ERBIN: variants seen among roughly 807,000 people sequenced by gnomAD.
The protein encoded by ERBIN is erbb2 interacting protein.
Under a neutral mutation model 158.4 loss-of-function variants are expected in ERBIN, and 60 were observed. The observed-to-expected ratio is 0.38, with a 90% confidence interval of 0.31 to 0.47. ERBIN has a LOEUF of 0.47. Among genes scored for constraint, ERBIN ranks in the 20% least tolerant of loss-of-function variants. The pLI is 0.99. For synonymous variants in ERBIN, 594 were observed against 557.2 expected (o/e 1.07, Z -0.93); for missense variants, 1,610 against 1,648.0 (o/e 0.98, Z 0.40).
intron 4 of ERBIN, among the ~76,000 whole-genome samples, chr5:66,009,165 G>A (rs567295483): frequency 1.3e-5 from 2 of 152,320 alleles, no homozygotes; most frequent in African/African-American, 4.8e-5. Flanking sequence ...CCTAGGCTCT[G>A]CAGCAGCAGA....
chr5:66,057,834 GA>G (rs1376273213), intron 21 of ERBIN, among the ~76,000 whole-genome samples: 2 of 151,288 alleles, frequency 1.3e-5, no homozygotes, highest in African/African-American at 4.9e-5. Context: ...AGTTTGCTGA[GA>G]ATGATGGTTT....
intron 21 of ERBIN, among the ~76,000 whole-genome samples, chr5:66,071,722 ATTT>A (rs372294339): frequency 1.5e-5 from 2 of 133,356 alleles, no homozygotes; most frequent in Admixed American, 7.6e-5. Context: ...ACAGCAGTTA[ATTT>A]TTTTTTTTTT....
intron 14 of ERBIN, among the ~76,000 whole-genome samples, chr5:66,035,264 A>G (rs1757283118): frequency 6.6e-6 from 1 of 152,184 alleles, no homozygotes; most frequent in Admixed American, 6.5e-5. Flanking sequence ...CATATAGCTC[A>G]ATTCCTACTT....
intron 4 of ERBIN, among the ~76,000 whole-genome samples, chr5:66,000,712 T>G (rs1296672893): frequency 1.3e-5 from 2 of 152,274 alleles, no homozygotes; most frequent in South Asian, 2.1e-4. Flanking sequence ...ACTTGCAGAA[T>G]TGGTTTTTTT....
At chr5:66,073,195 G>T (rs1761684816) in intron 22 of ERBIN, among the ~76,000 whole-genome samples, 1 of 152,176 alleles carries the variant, frequency 6.6e-6, no homozygotes, top group Admixed American at 6.5e-5. Flanking sequence ...GTGTCAGGGA[G>T]TCTTAAGGTC....
At chr5:66,009,917 A>ATC (rs1357145059) in intron 4 of ERBIN, among the ~76,000 whole-genome samples, 24 of 152,346 alleles carry the variant, frequency 1.6e-4, no homozygotes, top group Non-Finnish European at 3.1e-4. Flanking sequence ...AGAAAACTGA[A>ATC]AAGACCAGGG....
intron 10 of ERBIN, 74 bp downstream of exon 10, chr5:66,024,524 CTTG>C: frequency 7.0e-7 from 1 of 1,421,130 alleles, no homozygotes; most frequent in Non-Finnish European, 9.6e-7. Context: ...TCAAATTTCA[CTTG>C]TTATGAGGTA....
chr5:65,981,947 T>C (rs1384653971), intron 1 of ERBIN, among the ~76,000 whole-genome samples: 1 of 152,212 alleles, frequency 6.6e-6, no homozygotes, highest in Admixed American at 6.5e-5. Flanking sequence ...GGGAAATAGA[T>C]TCTATGGCAT....
intron 1 of ERBIN, among the ~76,000 whole-genome samples, chr5:65,973,986 G>C (rs1420526491): frequency 6.6e-6 from 1 of 151,270 alleles, no homozygotes; most frequent in Non-Finnish European, 1.5e-5. Context: ...TGTAATTCCA[G>C]CACTTTGGGA....
intron 9 of ERBIN, 74 bp from the exon 10 acceptor site, chr5:66,024,232 C>G (rs1408047708): frequency 7.9e-6 from 8 of 1,014,612 alleles, no homozygotes; most frequent in Non-Finnish European, 1.1e-5. Context: ...AACTTGGTAT[C>G]AAGTTTATTC....
At chr5:65,990,665 A>T (rs933998030) in intron 2 of ERBIN, among the ~76,000 whole-genome samples, 1 of 150,162 alleles carries the variant, frequency 6.7e-6, no homozygotes, top group Non-Finnish European at 1.5e-5. Context: ...CTCAAAAAAA[A>T]ATTGTAGTGA....
In ERBIN at chr5:66,058,691, G is replaced by A. The variant is rs152938; in HGVS notation, c.3633+3740G>A. Among the ~76,000 whole-genome samples, 14 of 145,150 alleles carry A rather than the reference G, an allele frequency of 9.6e-5. No homozygotes were observed. The East Asian group carries it at 2.7e-3, about 28-fold the overall frequency. On this transcript the variant is annotated intron_variant, in intron 21 of 25. Coordinates refer to ENST00000284037, the MANE Select transcript of ERBIN (RefSeq NM_001253697.2). ...TAGGTCTAACGTTTAAGTCTTTAAT[G>A]CATCTTGAATTAATTTTAGTATAAG...
intron 21 of ERBIN, among the ~76,000 whole-genome samples, chr5:66,067,820 A>G (rs1490998200): frequency 1.3e-5 from 2 of 152,120 alleles, no homozygotes; most frequent in Admixed American, 6.5e-5. Context: ...CATGAAAAAT[A>G]AAAAAACTAG....
intron 1 of ERBIN, among the ~76,000 whole-genome samples, chr5:65,958,207 C>G (rs943169612): frequency 3.9e-5 from 6 of 152,088 alleles, no homozygotes; most frequent in South Asian, 2.1e-4. Flanking sequence ...TCCTCACTTC[C>G]CAGATGGGGT....
intron 2 of ERBIN, among the ~76,000 whole-genome samples, chr5:65,989,874 T>C (rs1480001062): frequency 1.3e-5 from 2 of 152,242 alleles, no homozygotes; most frequent in Non-Finnish European, 2.9e-5. Context: ...TAACTCAGTA[T>C]CAGTTGTATT....
At chr5:66,008,577 T>C (rs1753866391) in intron 4 of ERBIN, among the ~76,000 whole-genome samples, 1 of 152,202 alleles carries the variant, frequency 6.6e-6, no homozygotes, top group African/African-American at 2.4e-5. Context: ...CCATATGGTA[T>C]TTTAGATCAG....
At chr5:65,985,380 A>G (rs1320485753) in intron 1 of ERBIN, among the ~76,000 whole-genome samples, 4 of 152,232 alleles carry the variant, frequency 2.6e-5, no homozygotes, top group African/African-American at 9.6e-5. Flanking sequence ...GTGAGCCACC[A>G]CGCCCGGCCC....
At chr5:66,060,179 TG>T (rs1760112511) in intron 21 of ERBIN, among the ~76,000 whole-genome samples, 1 of 152,220 alleles carries the variant, frequency 6.6e-6, no homozygotes, top group African/African-American at 2.4e-5. Flanking sequence ...GGACTTTTTT[TG>T]GTTGGTAAGC....
At chr5:66,019,657 T>G (rs1755478841) in intron 7 of ERBIN, among the ~76,000 whole-genome samples, 1 of 152,180 alleles carries the variant, frequency 6.6e-6, no homozygotes. Flanking sequence ...TTTTCTTTTT[T>G]ATTACATATC....
Sources: allele counts gnomAD v4.1 joint callset (sites outside exome capture counted in the v4.1 genomes callset), GRCh38; gene constraint gnomAD v4.1.1; transcripts MANE v1.5; gene names NCBI Gene and HGNC (gene_info 2026-07-23, HGNC 2026-07-21).